The following NEK1 variants were observed in gnomAD, a reference collection of about 807,000 sequenced individuals.
NEK1 encodes NIMA related kinase 1.
In NEK1, 137 loss-of-function variants were observed where a neutral mutation model predicts 182.1. The observed-to-expected ratio is 0.75, with a 90% CI of 0.65 to 0.87. The LOEUF (loss-of-function observed/expected upper bound fraction) is 0.87. Among genes scored for constraint, NEK1 ranks in the 40% least tolerant of loss-of-function variants. The probability of loss-of-function intolerance (pLI) is 0.00; values close to 1 mark genes in which losing one functional copy is unlikely to be tolerated. For synonymous variants in NEK1, 513 were observed against 492.2 expected (o/e 1.04, Z -0.56); for missense variants, 1,391 against 1,494.4 (o/e 0.93, Z 1.14).
Position 169,518,624 on chromosome 4 carries a change from C to T in NEK1, c.1666-9772G>A, listed in dbSNP as rs942733058. 3.9e-5 allele frequency among the ~76,000 whole-genome samples: 4 copies of T among 103,462 alleles called. 1 individual carries two copies. Among genetic ancestry groups the T allele is most frequent in the African/African-American group, 2.5e-4 (4 of 15,924 alleles). 67.9% of individuals were successfully genotyped at this position (103,462 alleles called of 152,430 possible). A position where few individuals can be genotyped will look rare whatever the true frequency, so the allele number is the denominator to read the frequency against. ...GGGTGTCAATTTTGGATCTTTCCTG[C>T]TTTCTCTTGTAGGGATTTAGTGCTA... On this transcript the variant is annotated intron_variant, in intron 19 of 35. Transcript: ENST00000507142.
chr4:169,450,539 G>A (rs750816271), intron 27 of NEK1, among the ~76,000 whole-genome samples: 5 of 152,126 alleles, frequency 3.3e-5, no homozygotes, highest in African/African-American at 9.7e-5. Context: ...ATTCTTCAAG[G>A]AAAGAATTTT....
At position 169,495,790 on chromosome 4, in the gene NEK1, G is replaced by A. The variant is rs1047867099; in HGVS notation, c.2007+11247C>T. On this transcript the variant is annotated intron_variant, in intron 23 of 35. Coordinates refer to ENST00000507142, the MANE Select transcript of NEK1 (RefSeq NM_001199397.3). Reference sequence around the variant, plus strand: ...TCTGCTTTGGTACCAGTACCATGCTGTTTTGGTTACTGTAGCCTTGTAGTA... The same window carrying A: ...TCTGCTTTGGTACCAGTACCATGCTATTTTGGTTACTGTAGCCTTGTAGTA... 1.8e-4 allele frequency among the ~76,000 whole-genome samples: 28 copies of A among 152,186 alleles called. 1 individual carries two copies. Among genetic ancestry groups the A allele is most frequent in the Non-Finnish European group, 3.7e-4 (25 of 68,040 alleles).
chr4:169,589,181 C>T (rs542258206), intron 7 of NEK1, among the ~76,000 whole-genome samples: 27 of 152,194 alleles, frequency 1.8e-4, no homozygotes, highest in African/African-American at 5.5e-4. Flanking sequence ...CATGCTGTAC[C>T]GGTTTGTAGC....
chr4:169,599,332 C>A, intron 4 of NEK1, 135 bp from the exon 5 acceptor site: 1 of 598,938 alleles, frequency 1.7e-6, no homozygotes, highest in Non-Finnish European at 2.9e-6. Context: ...AATTAGGGCA[C>A]AAAGTCAAGG....
At chr4:169,525,403 T>TAC (rs1417342900) in intron 19 of NEK1, among the ~76,000 whole-genome samples, 1 of 152,184 alleles carries the variant, frequency 6.6e-6, no homozygotes, top group Non-Finnish European at 1.5e-5. Flanking sequence ...GTGCTGGGAT[T>TAC]ACAGGCATGA....
chr4:169,475,829 T>A (rs1746847147), intron 26 of NEK1, among the ~76,000 whole-genome samples: 1 of 152,062 alleles, frequency 6.6e-6, no homozygotes, highest in African/African-American at 2.4e-5. Flanking sequence ...TGAATAGAAT[T>A]AATAGCAGAT....
chr4:169,565,267 C>A (rs1184398998), intron 12 of NEK1, among the ~76,000 whole-genome samples: 1 of 152,090 alleles, frequency 6.6e-6, no homozygotes, highest in Non-Finnish European at 1.5e-5. Flanking sequence ...ACATACACAC[C>A]CCTAAGTTTC....
intron 23 of NEK1, among the ~76,000 whole-genome samples, chr4:169,495,089 T>C (rs112241816): frequency 0.031 from 4,648 of 152,096 alleles, 187 homozygotes; most frequent in African/African-American, 0.085. Flanking sequence ...AAGCTCTTTA[T>C]TTTAATTAGA....
chr4:169,488,617 T>G (rs1046622114), intron 23 of NEK1, among the ~76,000 whole-genome samples: 14 of 152,168 alleles, frequency 9.2e-5, no homozygotes, highest in Admixed American at 2.6e-4. Context: ...ATTATACTTT[T>G]GAGAATCCAA....
chr4:169,439,804 T>C (rs1040542381), intron 27 of NEK1, among the ~76,000 whole-genome samples: 1 of 150,630 alleles, frequency 6.6e-6, no homozygotes, highest in African/African-American at 2.4e-5. Flanking sequence ...TATCTATATA[T>C]AGAAAGAAAT....
chr4:169,602,400 G>A (rs1770651376), intron 3 of NEK1, 114 bp downstream of exon 3: 6 of 662,178 alleles, frequency 9.1e-6, no homozygotes, highest in Non-Finnish European at 1.6e-5. Context: ...GAATAAAGGA[G>A]TCTTTTGCTT....
At chr4:169,543,827 G>T (rs1004304175) in intron 18 of NEK1, among the ~76,000 whole-genome samples, 6 of 152,190 alleles carry the variant, frequency 3.9e-5, no homozygotes, top group African/African-American at 1.4e-4. Flanking sequence ...TTTGCACATT[G>T]ATTTTGTATG....
intron 22 of NEK1, among the ~76,000 whole-genome samples, chr4:169,507,439 A>G (rs1753495305): frequency 6.6e-6 from 1 of 152,130 alleles, no homozygotes; most frequent in African/African-American, 2.4e-5. Flanking sequence ...ATGGGGATGT[A>G]TATTCGTATA....
intron 19 of NEK1, among the ~76,000 whole-genome samples, chr4:169,531,399 G>A (rs1214314329): frequency 6.6e-6 from 1 of 151,770 alleles, no homozygotes; most frequent in East Asian, 1.9e-4. Context: ...AAAGAGACAG[G>A]ATGATAACTA....
chr4:169,411,954 T>C (rs569189081), intron 31 of NEK1, among the ~76,000 whole-genome samples: 2 of 152,234 alleles, frequency 1.3e-5, no homozygotes, highest in African/African-American at 4.8e-5. Context: ...GGAGGAGAAA[T>C]GGGGCTCATG....
intron 2 of NEK1, among the ~76,000 whole-genome samples, chr4:169,608,901 A>G (rs559110762): frequency 6.6e-6 from 1 of 152,030 alleles, no homozygotes; most frequent in Non-Finnish European, 1.5e-5. Flanking sequence ...CTCTACTAAG[A>G]ATACAAAAAA....
chr4:169,513,990 T>A (rs1754650692), intron 19 of NEK1, among the ~76,000 whole-genome samples: 1 of 151,218 alleles, frequency 6.6e-6, no homozygotes, highest in Admixed American at 6.6e-5. Flanking sequence ...TATTTATTTA[T>A]TTATTTATTT....
intron 27 of NEK1, among the ~76,000 whole-genome samples, chr4:169,440,565 G>GCA (rs1320131341): frequency 6.6e-6 from 1 of 152,180 alleles, no homozygotes; most frequent in Non-Finnish European, 1.5e-5. Flanking sequence ...ATTGAATAGA[G>GCA]CATCTGAAAG....
At chr4:169,496,605 T>C (rs979553738) in intron 23 of NEK1, among the ~76,000 whole-genome samples, 8 of 149,392 alleles carry the variant, frequency 5.4e-5, no homozygotes, top group Non-Finnish European at 1.2e-4. Context: ...TGAGAGTTTT[T>C]AGCATGAAGG....
Sources: gnomAD v4.1 joint callset for allele counts (sites outside exome capture counted in the v4.1 genomes callset) on GRCh38, gnomAD v4.1.1 for gene constraint, MANE v1.5 for transcripts, NCBI Gene and HGNC (gene_info 2026-07-23, HGNC 2026-07-21) for gene names.